PCDHGB2: variants seen among roughly 807,000 people sequenced by gnomAD.
The protein encoded by PCDHGB2 is protocadherin gamma-B2.
PCDHGB2 carries 55 observed loss-of-function variants against 59.3 expected under a neutral mutation model. That is an observed-to-expected ratio of 0.93 (90% CI 0.75 to 1.16). The LOEUF (loss-of-function observed/expected upper bound fraction) is 1.16, where lower values mean the gene tolerates loss of function less well. PCDHGB2 is among the 50% of genes most tolerant of loss of function. The pLI is 0.00. For missense variants in PCDHGB2, 1,228 were observed against 1,198.5 expected, an observed-to-expected ratio of 1.02 and a Z score of -0.36; for synonymous variants, 516 against 512.0, an observed-to-expected ratio of 1.01 and a Z score of -0.11.
chr5:141,494,778 C>CA, intron 1 of PCDHGB2, 29 bp from the exon 2 acceptor site: 1 of 1,614,086 alleles, frequency 6.2e-7, no homozygotes, highest in Non-Finnish European at 8.5e-7. Context: ...CACGGGTACT[C>CA]AGCCCCTTTC....
intron 1 of PCDHGB2, chr5:141,376,546 T>TC (rs1388461293): frequency 6.2e-7 from 1 of 1,612,610 alleles, no homozygotes; most frequent in Non-Finnish European, 8.5e-7. Context: ...AGTAATCTGA[T>TC]CTTCCCGCAA....
intron 1 of PCDHGB2, chr5:141,414,511 G>A: frequency 1.2e-6 from 2 of 1,613,972 alleles, no homozygotes; most frequent in African/African-American, 1.3e-5. Context: ...TATGCTACAA[G>A]TGGCAGATAT....
intron 1 of PCDHGB2, chr5:141,364,366 G>C: frequency 6.4e-7 from 1 of 1,563,758 alleles, no homozygotes; most frequent in Non-Finnish European, 8.6e-7. Flanking sequence ...GCTGCGGAGA[G>C]CTGCTGCTGC....
intron 1 of PCDHGB2, among the ~76,000 whole-genome samples, chr5:141,467,304 C>T (rs567912553): frequency 2.0e-5 from 3 of 152,266 alleles, no homozygotes; most frequent in Admixed American, 6.5e-5. Flanking sequence ...CCACTCACCT[C>T]GGCCTCCCAC....
rs1230717990 is a variant in PCDHGB2, at chr5:141,431,707, G to A, written c.2422-63100G>A. The A allele has an allele frequency of 6.2e-7, 1 of 1,614,232 alleles. No homozygotes were observed. Among genetic ancestry groups the A allele is most frequent in the South Asian group, 1.1e-5 (1 of 91,088 alleles). On this transcript the variant is annotated intron_variant, in intron 1 of 3. Coordinates refer to ENST00000522605, the MANE Select transcript of PCDHGB2 (RefSeq NM_018923.3). This position sits in a 1 kb window ranked among gnomAD's most constrained non-coding sequence, Gnocchi z 4.8. ...ACCACGAGGAGTCAGGATTCTACCAGATGGAAGTGCAAGCAATGGATAATG... is the reference window on the plus strand; with the variant it reads ...ACCACGAGGAGTCAGGATTCTACCAAATGGAAGTGCAAGCAATGGATAATG...
intron 1 of PCDHGB2, among the ~76,000 whole-genome samples, chr5:141,452,760 G>A (rs920853226): frequency 3.3e-5 from 5 of 152,120 alleles, no homozygotes; most frequent in Non-Finnish European, 7.4e-5. Context: ...AAGGAAGGGA[G>A]GGAGGGAAAA....
rs1437533706 is a variant in PCDHGB2, at chr5:141,511,419, G to C, written c.*246G>C. On this transcript the variant is annotated 3_prime_UTR_variant, in exon 4 of 4. Transcript: ENST00000522605. ...ATCCAATCAACTGCTGTACCCATGG[G>C]GGTAGTGGGGTTACTGTAGACACCA... The C allele has an allele frequency of 2.4e-6, 2 of 830,456 alleles. No individual in the cohort carries two copies. The highest frequency in any genetic ancestry group is 5.8e-5 in the East Asian group (2 of 34,260). 51.4% of individuals were successfully genotyped at this position (830,456 alleles called of 1,614,324 possible).
At chr5:141,403,001 T>C (rs1189114508) in intron 1 of PCDHGB2, 11 of 1,613,878 alleles carry the variant, frequency 6.8e-6, no homozygotes, top group African/African-American at 1.3e-5. Flanking sequence ...AGTCCTGCTA[T>C]GCTCGCTCCT....
intron 1 of PCDHGB2, chr5:141,383,701 G>A (rs761689266): frequency 2.5e-6 from 4 of 1,613,810 alleles, no homozygotes; most frequent in South Asian, 1.1e-5. Flanking sequence ...ACATGCTATC[G>A]ACCTGGACGA....
intron 2 of PCDHGB2, among the ~76,000 whole-genome samples, chr5:141,498,792 G>A (rs1217057199): frequency 2.6e-5 from 4 of 152,086 alleles, no homozygotes; most frequent in Admixed American, 2.6e-4. Context: ...TATTAGCCAG[G>A]TGTGGTGGTG....
intron 2 of PCDHGB2, among the ~76,000 whole-genome samples, chr5:141,502,165 T>C (rs1017904375): frequency 1.8e-4 from 28 of 152,196 alleles, no homozygotes; most frequent in African/African-American, 6.3e-4. Context: ...AGATATTCAG[T>C]TGAGGAATTT....
intron 1 of PCDHGB2, among the ~76,000 whole-genome samples, chr5:141,464,827 C>T (rs529757361): frequency 1.5e-4 from 23 of 152,246 alleles, no homozygotes; most frequent in African/African-American, 4.6e-4. Flanking sequence ...TAGCCTCGCA[C>T]TCCTGGGCTC....
At chr5:141,400,174 G>T in intron 1 of PCDHGB2, 1 of 1,614,076 alleles carries the variant, frequency 6.2e-7, no homozygotes, top group Non-Finnish European at 8.5e-7. Context: ...CCCCCAGGCT[G>T]AGCTGCAGTT....
At position 141,431,790 on chromosome 5, in the gene PCDHGB2, C is replaced by G; in HGVS notation, c.2422-63017C>G. ...ACTGTTCTGGACGTGAACGACAATG[C>G]CCCAGAAGTGGTCCTCACCTCTCTC... On this transcript the variant is annotated intron_variant, in intron 1 of 3. Coordinates refer to ENST00000522605, the MANE Select transcript of PCDHGB2 (RefSeq NM_018923.3). The surrounding 1 kb of genome is among the most constrained non-coding windows in gnomAD (Gnocchi z 4.8). 1 of 1,614,186 alleles carries G rather than the reference C, an allele frequency of 6.2e-7. No homozygotes were observed. Among genetic ancestry groups the G allele is most frequent in the Non-Finnish European group, 8.5e-7 (1 of 1,180,016 alleles).
intron 1 of PCDHGB2, chr5:141,370,305 G>A: frequency 2.5e-6 from 3 of 1,206,280 alleles, no homozygotes; most frequent in South Asian, 3.3e-5. Context: ...CAAAGACAAA[G>A]CAAATAGTTG....
chr5:141,475,628 C>T (rs2099366226), intron 1 of PCDHGB2, among the ~76,000 whole-genome samples: 1 of 152,116 alleles, frequency 6.6e-6, no homozygotes. Context: ...TTGGTTCGAT[C>T]CCCTTTCTTG....
At position 141,372,451 on chromosome 5, in the gene PCDHGB2, C is replaced by G. The variant is rs749000608; in HGVS notation, c.2421+9895C>G. 8 of 1,614,042 alleles carry G rather than the reference C, an allele frequency of 5.0e-6. No individual in the cohort carries two copies. In the East Asian group the frequency reaches 1.6e-4, roughly 31 times the overall value. On this transcript the variant is annotated intron_variant, in intron 1 of 3. Coordinates refer to ENST00000522605, the MANE Select transcript of PCDHGB2 (RefSeq NM_018923.3). The stretch of plus-strand genomic sequence containing the variant: ...CGCCCCACTCCCTCTGACCCTCAGG[C>G]GGAGCTACAGTTTCACCTAGTAGTG...
intron 1 of PCDHGB2, chr5:141,383,437 C>T (rs965503415): frequency 6.3e-5 from 101 of 1,613,860 alleles, no homozygotes; most frequent in Non-Finnish European, 8.4e-5. Flanking sequence ...CCACTTCTCC[C>T]TGGCTGTGCA....
chr5:141,414,624 G>C, intron 1 of PCDHGB2: 1 of 1,613,932 alleles, frequency 6.2e-7, no homozygotes, highest in Non-Finnish European at 8.5e-7. Context: ...CGCTGGACCC[G>C]GACAGCAAAG....
Sources: gnomAD v4.1 joint callset for allele counts (sites outside exome capture counted in the v4.1 genomes callset) on GRCh38, gnomAD v4.1.1 for gene constraint, Gnocchi (gnomAD v3.1) non-coding constraint, MANE v1.5 for transcripts, NCBI Gene and HGNC (gene_info 2026-07-23, HGNC 2026-07-21) for gene names.